The following SORBS2 variants were observed in gnomAD, a reference collection of about 807,000 sequenced individuals.
The protein encoded by SORBS2 is sorbin and SH3 domain-containing protein 2.
A neutral mutation model predicts 97.7 loss-of-function variants in SORBS2; 46 were observed. The ratio of observed to expected loss-of-function variants is 0.47; its 90% CI spans 0.37 to 0.60. The LOEUF (loss-of-function observed/expected upper bound fraction) is 0.60. Among genes scored for constraint, SORBS2 ranks in the 20% least tolerant of loss-of-function variants. SORBS2 has a pLI of 0.00. For synonymous variants in SORBS2, 476 were observed against 473.4 expected, an observed-to-expected ratio of 1.01 and a Z score of -0.07; for missense variants, 1,316 against 1,282.3, an observed-to-expected ratio of 1.03 and a Z score of -0.40.
At chr4:185,887,058 A>C (rs947173142) in intron 1 of SORBS2, among the ~76,000 whole-genome samples, 1 of 152,178 alleles carries the variant, frequency 6.6e-6, no homozygotes, top group Non-Finnish European at 1.5e-5. Context: ...TTTGCAGCAC[A>C]CTTGAGTTGC....
At chr4:185,897,242 G>A (rs559904514) in intron 1 of SORBS2, among the ~76,000 whole-genome samples, 3 of 152,254 alleles carry the variant, frequency 2.0e-5, no homozygotes, top group Non-Finnish European at 4.4e-5. Context: ...TGGCGATAAA[G>A]ACACTCTCTG....
At chr4:185,879,579 C>T (rs2099235844) in intron 1 of SORBS2, among the ~76,000 whole-genome samples, 1 of 152,104 alleles carries the variant, frequency 6.6e-6, no homozygotes, top group South Asian at 2.1e-4. Flanking sequence ...GTTCTAGATC[C>T]CTGAGGAATC....
intron 1 of SORBS2, among the ~76,000 whole-genome samples, chr4:185,895,961 C>G (rs1025916538): frequency 1.3e-5 from 2 of 152,060 alleles, no homozygotes; most frequent in African/African-American, 4.8e-5. Context: ...CAGTAAGGAC[C>G]AGGAAAAGGG....
intron 1 of SORBS2, among the ~76,000 whole-genome samples, chr4:185,936,167 G>C (rs1371259222): frequency 6.6e-6 from 1 of 152,222 alleles, no homozygotes; most frequent in Admixed American, 6.5e-5. Context: ...CCAACGGTAA[G>C]TTTTCAATGA....
At chr4:185,681,772 G>C (rs2097871905) in intron 2 of SORBS2, among the ~76,000 whole-genome samples, 1 of 152,092 alleles carries the variant, frequency 6.6e-6, no homozygotes, top group South Asian at 2.1e-4. Context: ...TCCATGTCAG[G>C]GGTGGAACTG....
intron 12 of SORBS2, among the ~76,000 whole-genome samples, chr4:185,600,128 G>C (rs59513672): frequency 0.19 from 29,578 of 152,076 alleles, 3,358 homozygotes; most frequent in African/African-American, 0.3. Flanking sequence ...TTCCTGGCTG[G>C]CTTTTTCCAT....
chr4:185,919,399 C>A (rs957161667), intron 1 of SORBS2: 4 of 152,152 alleles, frequency 2.6e-5, no homozygotes, highest in African/African-American at 9.7e-5. Flanking sequence ...AACATAGATT[C>A]AAGTCTCCAT....
At chr4:185,643,350 C>A (rs1376927397) in intron 4 of SORBS2, among the ~76,000 whole-genome samples, 2 of 151,970 alleles carry the variant, frequency 1.3e-5, no homozygotes, top group Non-Finnish European at 2.9e-5. Context: ...TGGAACCTAG[C>A]GAGGCAGGGA....
intron 5 of SORBS2, among the ~76,000 whole-genome samples, chr4:185,628,707 C>T (rs946408097): frequency 2.6e-5 from 4 of 152,324 alleles, no homozygotes; most frequent in Non-Finnish European, 5.9e-5. Flanking sequence ...CATGATTGCA[C>T]CACTGCACTC....
intron 2 of SORBS2, among the ~76,000 whole-genome samples, chr4:185,734,486 T>C (rs1378218779): frequency 6.6e-6 from 1 of 152,214 alleles, no homozygotes; most frequent in Non-Finnish European, 1.5e-5. Flanking sequence ...TTGGTTTTGC[T>C]GATTCAGTTC....
At chr4:185,800,804 G>C (rs747493767) in intron 1 of SORBS2, among the ~76,000 whole-genome samples, 3 of 152,148 alleles carry the variant, frequency 2.0e-5, no homozygotes, top group Non-Finnish European at 4.4e-5. Context: ...CAAAGCTGCA[G>C]ACATTTAAGG....
chr4:185,885,761 G>C (rs1233378415), intron 1 of SORBS2, among the ~76,000 whole-genome samples: 1 of 152,100 alleles, frequency 6.6e-6, no homozygotes, highest in Non-Finnish European at 1.5e-5. Flanking sequence ...AGAGAAAAAA[G>C]GTAGCATGAA....
rs77125346 is a variant in SORBS2, at chr4:185,710,861, T to C, written c.-197-32039A>G. 1.4e-3 allele frequency among the ~76,000 whole-genome samples: 207 copies of C among 152,368 alleles called. 6 individuals are homozygous for C. The East Asian group carries it at 0.027, about 20-fold the overall frequency. ...CTTAGGGAAACCCGGTAAACACCGA[T>C]GTGCTCTCCCAGATGCAAACTGAGT... is the stretch of plus-strand genomic sequence containing the variant. On this transcript the variant is annotated intron_variant, in intron 2 of 20. Transcript: ENST00000284776.
intron 5 of SORBS2, among the ~76,000 whole-genome samples, chr4:185,629,850 G>A (rs1427977995): frequency 3.3e-5 from 5 of 152,122 alleles, no homozygotes; most frequent in South Asian, 2.1e-4. Context: ...ATGAGCCACC[G>A]TGCCTGGCCA....
chr4:185,587,748 G>T (rs972279920), intron 14 of SORBS2, 60 bp from the exon 27 acceptor site: 154 of 1,305,414 alleles, frequency 1.2e-4, no homozygotes, highest in Non-Finnish European at 2.1e-5. Context: ...ATACACATGG[G>T]CTTGAATACT....
At chr4:185,951,863 A>C (rs1561332555) in intron 1 of SORBS2, among the ~76,000 whole-genome samples, 3 of 152,174 alleles carry the variant, frequency 2.0e-5, no homozygotes, top group African/African-American at 7.2e-5. Flanking sequence ...ATACTTATGC[A>C]ATATTTTCTA....
At chr4:185,895,350 C>G (rs1020675714) in intron 1 of SORBS2, among the ~76,000 whole-genome samples, 1 of 152,216 alleles carries the variant, frequency 6.6e-6, no homozygotes, top group Admixed American at 6.5e-5. Flanking sequence ...TCCATCCCAA[C>G]ACAGAATCCA....
At chr4:185,736,953 A>AT (rs1403456896) in intron 2 of SORBS2, among the ~76,000 whole-genome samples, 2 of 152,086 alleles carry the variant, frequency 1.3e-5, no homozygotes, top group African/African-American at 4.8e-5. Flanking sequence ...CATTGCTAAC[A>AT]TTTCTCCTTC....
intron 2 of SORBS2, among the ~76,000 whole-genome samples, chr4:185,728,332 G>A (rs2098579562): frequency 6.6e-6 from 1 of 152,112 alleles, no homozygotes; most frequent in African/African-American, 2.4e-5. Context: ...GGTTGATTAA[G>A]GCTTTTGGCT....
Sources: gnomAD v4.1 joint callset for allele counts (sites outside exome capture counted in the v4.1 genomes callset) on GRCh38, gnomAD v4.1.1 for gene constraint, MANE v1.5 for transcripts, NCBI Gene and HGNC (gene_info 2026-07-23, HGNC 2026-07-21) for gene names.